Variants in SIPA1L3 observed in about 807,000 individuals in gnomAD.
The protein encoded by SIPA1L3 is signal-induced proliferation-associated 1-like protein 3.
A neutral mutation model predicts 150.1 loss-of-function variants in SIPA1L3; 59 were observed. That is an observed-to-expected ratio of 0.39 (90% CI 0.32 to 0.49). SIPA1L3 has a LOEUF of 0.49. SIPA1L3 is among the 20% of genes least tolerant of loss of function. The pLI is 0.86. For synonymous variants in SIPA1L3, 1,070 were observed against 1,077.6 expected (o/e 0.99, Z 0.14); for missense variants, 2,211 against 2,489.5 (o/e 0.89, Z 2.38).
In SIPA1L3 at chr19:38,205,390, G is replaced by C. The variant is rs544020275; in HGVS notation, c.5203-707G>C. Reference sequence around the variant, plus strand: ...GAGAATTGCTTGAACCCAGGAGGCGGAGATTGCAGTGAGCCGAGATCATGC... The same window carrying C: ...GAGAATTGCTTGAACCCAGGAGGCGCAGATTGCAGTGAGCCGAGATCATGC... On this transcript the variant is annotated intron_variant, in intron 21 of 21. Coordinates refer to ENST00000222345, the MANE Select transcript of SIPA1L3 (RefSeq NM_015073.3). Among the ~76,000 whole-genome samples, 50 of 150,382 alleles carry C rather than the reference G, an allele frequency of 3.3e-4. No individual in the cohort carries two copies. The South Asian group carries it at 8.4e-3, about 25-fold the overall frequency.
At chr19:37,919,996 G>T (rs374785575) in intron 1 of SIPA1L3, among the ~76,000 whole-genome samples, 1 of 149,394 alleles carries the variant, frequency 6.7e-6, no homozygotes, top group Non-Finnish European at 1.5e-5. Context: ...AGGCATGAGC[G>T]ACTGTGCCTG....
intron 8 of SIPA1L3, among the ~76,000 whole-genome samples, chr19:38,116,812 C>A (rs1970897176): frequency 6.6e-6 from 1 of 152,114 alleles, no homozygotes; most frequent in Non-Finnish European, 1.5e-5. Flanking sequence ...TGAGATCACG[C>A]CACTGCACTC....
At chr19:38,119,264 G>A in intron 8 of SIPA1L3, 42 bp from the exon 9 acceptor site, 2 of 1,536,296 alleles carry the variant, frequency 1.3e-6, no homozygotes, top group Non-Finnish European at 1.8e-6. Context: ...AAGTGTCTTA[G>A]TGCCTTTCTT....
chr19:38,006,788 C>CAAGTG (rs1484499365), intron 1 of SIPA1L3, among the ~76,000 whole-genome samples: 1 of 152,166 alleles, frequency 6.6e-6, no homozygotes, highest in Non-Finnish European at 1.5e-5. Context: ...ACCCCGGCAG[C>CAAGTG]TCCACTTCTA....
Position 38,193,706 on chromosome 19 carries a change from A to G in SIPA1L3, c.4766A>G (p.Gln1589Arg). 1.9e-6 allele frequency: 3 copies of G among 1,571,128 alleles called. No individual in the cohort carries two copies. The highest frequency in any genetic ancestry group is 2.6e-6 in the Non-Finnish European group (3 of 1,166,554). Residue 1589 changes from glutamine to arginine, a missense_variant, in exon 18 of 22, where the codon CAG (glutamine) becomes CGG (arginine). This residue lies in a region of SIPA1L3 where 806 missense variants were observed against 870.1 expected (regional missense o/e 0.93). Transcript: ENST00000222345. ...TCCAGCACGCTGCCTGCACGCCGCC[A>G]GCACCAGCACCCCCACCCGCCCGTC... ...FPSSTLPARR[Q>R]HQHPHPPVGP...
rs7245444 is a variant in SIPA1L3, at chr19:37,997,720, A to T, written c.-378-31369A>T. On this transcript the variant is annotated intron_variant, in intron 1 of 21. Coordinates refer to ENST00000222345, the MANE Select transcript of SIPA1L3 (RefSeq NM_015073.3). ...CGTCTCTACTAAAAATACAAAAATTATCTGGGCGCAGTGGTGCGCTCCTGT... is the reference window on the plus strand; with the variant it reads ...CGTCTCTACTAAAAATACAAAAATTTTCTGGGCGCAGTGGTGCGCTCCTGT... Among the ~76,000 whole-genome samples, 623 of 151,700 alleles carry T rather than the reference A, an allele frequency of 4.1e-3. 3 individuals are homozygous for T. Among genetic ancestry groups the T allele is most frequent in the African/African-American group, 0.015 (604 of 41,324 alleles).
rs969477917 is a variant in SIPA1L3, at chr19:38,115,544, A to G, written c.2292-3762A>G. Among the ~76,000 whole-genome samples, 35 of 152,116 alleles carry G rather than the reference A, an allele frequency of 2.3e-4. 2 individuals carry two copies. Among genetic ancestry groups the G allele is most frequent in the Non-Finnish European group, 5.9e-5 (4 of 68,014 alleles). On this transcript the variant is annotated intron_variant, in intron 8 of 21. Coordinates refer to ENST00000222345, the MANE Select transcript of SIPA1L3 (RefSeq NM_015073.3). ...TGGTAAGGATAGGAAGTGCTAACTCACCAGGGCCCCGTGTGGCCTTGCCCC... is the reference window on the plus strand; with the variant it reads ...TGGTAAGGATAGGAAGTGCTAACTCGCCAGGGCCCCGTGTGGCCTTGCCCC...
At chr19:37,926,377 C>A (rs558441220) in intron 1 of SIPA1L3, among the ~76,000 whole-genome samples, 60 of 152,292 alleles carry the variant, frequency 3.9e-4, no homozygotes, top group Non-Finnish European at 7.8e-4. Context: ...TTCTGATGTT[C>A]GTCACTTTGG....
At chr19:38,123,265 T>TG (rs1491112753) in intron 9 of SIPA1L3, among the ~76,000 whole-genome samples, 26 of 125,616 alleles carry the variant, frequency 2.1e-4, no homozygotes, top group South Asian at 1.5e-3. Context: ...TTTTTTTTTG[T>TG]TTTTTTTGTT....
chr19:38,173,172 G>A (rs1378469240), intron 15 of SIPA1L3, among the ~76,000 whole-genome samples: 3 of 152,250 alleles, frequency 2.0e-5, no homozygotes, highest in East Asian at 1.9e-4. Flanking sequence ...TGGAGAGGAC[G>A]GACTATCTTG....
Position 38,081,767 on chromosome 19 carries a change from A to C in SIPA1L3, c.202A>C (p.Ser68Arg). The C allele has an allele frequency of 6.3e-7, 1 of 1,582,560 alleles. No homozygotes were observed. The highest frequency in any genetic ancestry group is 8.6e-7 in the Non-Finnish European group (1 of 1,164,286). Residue 68 changes from serine (S) to arginine (R), a missense_variant, in exon 3 of 22, where the codon AGC (serine) becomes CGC (arginine). Around this residue, in one of 5 missense-constraint regions of SIPA1L3, gnomAD observed 130 missense variants for 174.5 expected, o/e 0.74. Coordinates refer to ENST00000222345, the MANE Select transcript of SIPA1L3 (RefSeq NM_015073.3). ...TATATATTRP[S>R]PTTPAMPKMG... ...CACCGCCACCGCCACCACCCGCCCC[A>C]GCCCCACCACTCCCGCAATGCCCAA...
intron 1 of SIPA1L3, among the ~76,000 whole-genome samples, chr19:37,966,791 G>A (rs2145584128): frequency 6.6e-6 from 1 of 152,316 alleles, no homozygotes; most frequent in East Asian, 1.9e-4. Context: ...AAAGGCAGAT[G>A]TCAGTCTGGC....
intron 2 of SIPA1L3, among the ~76,000 whole-genome samples, chr19:38,066,432 A>G (rs1969593924): frequency 6.6e-6 from 1 of 152,208 alleles, no homozygotes; most frequent in South Asian, 2.1e-4. Context: ...TCTGTATTAC[A>G]GCAATGTAAA....
At chr19:38,112,076 T>C (rs1970772054) in intron 8 of SIPA1L3, among the ~76,000 whole-genome samples, 1 of 112,486 alleles carries the variant, frequency 8.9e-6, no homozygotes, top group Non-Finnish European at 1.7e-5. Flanking sequence ...GCACACACCA[T>C]GCGTCCGCAC....
intron 13 of SIPA1L3, among the ~76,000 whole-genome samples, chr19:38,155,451 A>T (rs1012876489): frequency 6.6e-6 from 1 of 152,188 alleles, no homozygotes; most frequent in Non-Finnish European, 1.5e-5. Flanking sequence ...CATCTTCTCA[A>T]TGTGTCTTCC....
chr19:38,049,663 G>C (rs1291918943), intron 2 of SIPA1L3, among the ~76,000 whole-genome samples: 1 of 152,150 alleles, frequency 6.6e-6, no homozygotes, highest in African/African-American at 2.4e-5. Context: ...TAAGGCACCT[G>C]CCACAACACC....
intron 1 of SIPA1L3, among the ~76,000 whole-genome samples, chr19:38,020,809 T>G (rs1211613357): frequency 5.8e-5 from 8 of 137,224 alleles, no homozygotes; most frequent in Non-Finnish European, 1.1e-4. Flanking sequence ...GTTTTTTTTG[T>G]TTTTTTTTTG....
At chr19:37,991,890 C>T (rs535754398) in intron 1 of SIPA1L3, among the ~76,000 whole-genome samples, 1 of 152,300 alleles carries the variant, frequency 6.6e-6, no homozygotes, top group East Asian at 1.9e-4. Context: ...CAGCTGGGTT[C>T]GGGCCCCACC....
At chr19:38,045,845 G>A (rs1183256508) in intron 2 of SIPA1L3, among the ~76,000 whole-genome samples, 1 of 152,126 alleles carries the variant, frequency 6.6e-6, no homozygotes, top group African/African-American at 2.4e-5. Flanking sequence ...CAGAGTGCGG[G>A]AAGGAAAACT....
Sources: gnomAD v4.1 joint callset for allele counts (sites outside exome capture counted in the v4.1 genomes callset) on GRCh38, gnomAD v4.1.1 for gene constraint, gnomAD v4.1.1 regional missense constraint, MANE v1.5 for transcripts, NCBI Gene and HGNC (gene_info 2026-07-23, HGNC 2026-07-21) for gene names.